HMCN1: variants seen among roughly 807,000 people sequenced by gnomAD.
HMCN1 encodes hemicentin 1, also known as hemicentin-1.
Under a neutral mutation model 625.9 loss-of-function variants are expected in HMCN1, and 321 were observed. The observed-to-expected ratio is 0.51, with a 90% confidence interval of 0.47 to 0.56. The LOEUF (loss-of-function observed/expected upper bound fraction) is 0.56. Among genes scored for constraint, HMCN1 ranks in the 20% least tolerant of loss-of-function variants. HMCN1 has a pLI of 0.00. For missense variants in HMCN1, 6,588 were observed against 6,887.3 expected, an observed-to-expected ratio of 0.96 and a Z score of 1.54; for synonymous variants, 2,425 against 2,417.6, an observed-to-expected ratio of 1.00 and a Z score of -0.09.
intron 11 of HMCN1, among the ~76,000 whole-genome samples, chr1:185,938,523 A>G (rs1365688693): frequency 1.3e-5 from 2 of 152,106 alleles, no homozygotes; most frequent in Non-Finnish European, 2.9e-5. Context: ...GAAGCAGAAA[A>G]CAAGTGAGGT....
intron 1 of HMCN1, among the ~76,000 whole-genome samples, chr1:185,749,531 C>G (rs1654650662): frequency 6.6e-6 from 1 of 152,158 alleles, no homozygotes; most frequent in African/African-American, 2.4e-5. Flanking sequence ...TCCAGCGTTC[C>G]CCATCTCAGT....
Position 186,088,285 on chromosome 1 carries a change from A to G in HMCN1, c.9577+9A>G, listed in dbSNP as rs1320235927. ...GAACCACAAGCGCATAGGTAAGGCA[A>G]CCATGCATTTTTGTGTGTGTGTGTG... On this transcript the variant is annotated intron_variant, in intron 62 of 106. Transcript: ENST00000271588. 2.5e-6 allele frequency: 4 copies of G among 1,612,026 alleles called. No individual in the cohort carries two copies. Among genetic ancestry groups the G allele is most frequent in the Admixed American group, 1.7e-5 (1 of 59,824 alleles).
In HMCN1 at chr1:186,000,243, A is replaced by G; in HGVS notation, c.4069+4A>G. 1 of 1,607,864 alleles carries G rather than the reference A, an allele frequency of 6.2e-7. No individual in the cohort carries two copies. On this transcript the variant is annotated splice_donor_region_variant and intron_variant, in intron 26 of 106. Transcript: ENST00000271588. ...AAATATAACCTCAAAGTCCATGGTA[A>G]ATGTAGCTAAAATCATGTAACTGAC...
At chr1:186,187,037 CGCATGCAA>C (rs1558292261) in intron 105 of HMCN1, among the ~76,000 whole-genome samples, 1 of 148,292 alleles carries the variant, frequency 6.7e-6, no homozygotes, top group African/African-American at 2.5e-5. Flanking sequence ...CACACACACA[CGCATGCAA>C]ACATTTTCAT....
chr1:185,742,325 G>A (rs778876725), intron 1 of HMCN1, among the ~76,000 whole-genome samples: 1 of 152,096 alleles, frequency 6.6e-6, no homozygotes, highest in African/African-American at 2.4e-5. Context: ...ATATATCTTT[G>A]TATATAAAAG....
At position 185,902,415 on chromosome 1, in the gene HMCN1, CTATCTATCTATCTA is replaced by C. The variant is rs1558053099; in HGVS notation, c.622-6920_622-6907del. Among the ~76,000 whole-genome samples the C allele has an allele frequency of 5.2e-3, 702 of 134,096 alleles. 8 individuals are homozygous for C. Among genetic ancestry groups the C allele is most frequent in the African/African-American group, 0.023 (614 of 26,216 alleles). The allele number at this position is 134,096 out of a possible 152,430, so 88.0% of individuals were successfully genotyped here. A position where few individuals can be genotyped will look rare whatever the true frequency, so the allele number is the denominator to read the frequency against. On this transcript the variant is annotated intron_variant, in intron 4 of 106. Coordinates refer to ENST00000271588, the MANE Select transcript of HMCN1 (RefSeq NM_031935.3). ...TATCTATCTATCTATCTCTATCTAT[CTATCTATCTATCTA>C]TCTATCTATCTATCTATCTATCTAA...
intron 68 of HMCN1, 60 bp downstream of exon 68, chr1:186,095,581 G>C (rs1009425961): frequency 1.3e-6 from 2 of 1,537,000 alleles, no homozygotes; most frequent in African/African-American, 1.4e-5. Context: ...TGAATGTTTA[G>C]TAAATAAGTA....
chr1:185,954,987 C>A (rs1275150027), intron 11 of HMCN1, among the ~76,000 whole-genome samples: 2 of 152,068 alleles, frequency 1.3e-5, no homozygotes, highest in Admixed American at 6.5e-5. Flanking sequence ...GAACTATCCC[C>A]CAGGTAATAG....
chr1:185,927,106 G>A (rs1667316253), intron 9 of HMCN1, among the ~76,000 whole-genome samples: 1 of 152,100 alleles, frequency 6.6e-6, no homozygotes, highest in African/African-American at 2.4e-5. Flanking sequence ...TTTAAAAAGG[G>A]ATTCAGAACC....
chr1:185,902,657 C>A (rs963715360), intron 4 of HMCN1, among the ~76,000 whole-genome samples: 1 of 151,372 alleles, frequency 6.6e-6, no homozygotes, highest in African/African-American at 2.4e-5. Flanking sequence ...GGGCTAGTAA[C>A]CTGTAATATC....
chr1:186,053,854 C>T lies in HMCN1; in HGVS notation c.6730C>T (p.Arg2244Ter), dbSNP rs373249075. Residue 2244 changes from arginine (R) to a stop codon, truncating the protein, a stop_gained, in exon 44 of 107, where the codon CGA (arginine) becomes TGA (stop). Transcript: ENST00000271588. LOFTEE classifies it high-confidence loss of function. ...GSPVLTDSMG[R>*]VRILSGGRQL... Reference sequence around the variant, plus strand: ...TCCAGTGCTGACTGATTCCATGGGGCGAGTTAGAATTTTATCTGGGGGCAG... The same window carrying T: ...TCCAGTGCTGACTGATTCCATGGGGTGAGTTAGAATTTTATCTGGGGGCAG... 9 of 1,612,366 alleles carry T rather than the reference C, an allele frequency of 5.6e-6. No homozygotes were observed. The highest frequency in any genetic ancestry group is 7.6e-6 in the Non-Finnish European group (9 of 1,179,080).
At position 185,925,105 on chromosome 1, in the gene HMCN1, A is replaced by C; in HGVS notation, c.1344A>C (p.Gln448His). The change falls in exon 9 of 107, where the codon CAA becomes CAC. Residue 448 changes from glutamine (Q) to histidine (H), a missense_variant. By Grantham distance (24) the Gln-to-His change is conservative. Transcript: ENST00000271588. ...KTPGYYLQPG[Q>H]IPCSVDSLLP... ...CAGGATACTATCTGCAGCCGGGCCA[A>C]ATTCCCTGCTCTGTTGACAGTCTTT... 3 of 1,614,002 alleles carry C rather than the reference A, an allele frequency of 1.9e-6. No homozygotes were observed. The highest frequency in any genetic ancestry group is 1.3e-5 in the African/African-American group (1 of 75,022).
chr1:186,173,560 G>A (rs1652364235), intron 102 of HMCN1, among the ~76,000 whole-genome samples: 1 of 144,854 alleles, frequency 6.9e-6, no homozygotes, highest in South Asian at 2.2e-4. Context: ...AGGATCGTTT[G>A]AACCCAGCAG....
intron 1 of HMCN1, among the ~76,000 whole-genome samples, chr1:185,744,504 T>G (rs774886845): frequency 3.9e-5 from 6 of 152,200 alleles, no homozygotes; most frequent in Non-Finnish European, 8.8e-5. Flanking sequence ...ATCCACTCAT[T>G]CATTCAGTTA....
At chr1:185,742,208 A>G (rs1211613974) in intron 1 of HMCN1, among the ~76,000 whole-genome samples, 1 of 152,180 alleles carries the variant, frequency 6.6e-6, no homozygotes, top group Admixed American at 6.5e-5. Context: ...TTGGCAGGTT[A>G]TTGTCAAAGT....
At chr1:186,126,914 G>A (rs1024208018) in intron 82 of HMCN1, among the ~76,000 whole-genome samples, 1 of 152,080 alleles carries the variant, frequency 6.6e-6, no homozygotes, top group African/African-American at 2.4e-5. Context: ...AGGGAGACAA[G>A]GACAGGAGCA....
rs1660063809 is a variant in HMCN1 at position 186,095,192 on chromosome 1, T to C, written c.10295-51T>C. ...ATTCAAATGTTTTAATTTAAATTGA[T>C]CTCAAATTACAATAGACATCCAAAT... is the stretch of plus-strand genomic sequence containing the variant. On this transcript the variant is annotated intron_variant, in intron 67 of 106. Transcript: ENST00000271588. 5 of 1,546,958 alleles carry C rather than the reference T, an allele frequency of 3.2e-6. No homozygotes were observed. The African/African-American group carries it at 4.1e-5, about 13-fold the overall frequency.
chr1:186,165,363 G>A (rs1165147788), intron 98 of HMCN1, among the ~76,000 whole-genome samples, 190 bp downstream of exon 98: 1 of 152,194 alleles, frequency 6.6e-6, no homozygotes, highest in Admixed American at 6.5e-5. Context: ...AGCATCAAGT[G>A]GCAGAGCTGC....
intron 97 of HMCN1, among the ~76,000 whole-genome samples, chr1:186,157,657 T>G (rs1287577673): frequency 6.6e-6 from 1 of 152,200 alleles, no homozygotes; most frequent in Admixed American, 6.5e-5. Flanking sequence ...GTTCTCATTG[T>G]TCAGTTCCCA....
Sources: gnomAD v4.1 joint callset for allele counts (sites outside exome capture counted in the v4.1 genomes callset) on GRCh38, gnomAD v4.1.1 for gene constraint, MANE v1.5 for transcripts, NCBI Gene and HGNC (gene_info 2026-07-23, HGNC 2026-07-21) for gene names.